The following DLG2 variants were observed in gnomAD, a reference collection of about 807,000 sequenced individuals.
DLG2 encodes the protein disks large homolog 2.
In DLG2, 45 loss-of-function variants were observed where a neutral mutation model predicts 132.5. The ratio of observed to expected loss-of-function variants is 0.34; its 90% CI spans 0.27 to 0.44. The LOEUF is 0.44. DLG2 is among the 20% of genes least tolerant of loss of function. The probability of loss-of-function intolerance (pLI) is 1.00; values close to 1 mark genes in which losing one functional copy is unlikely to be tolerated. For synonymous variants in DLG2, 424 were observed against 419.6 expected (o/e 1.01, Z -0.13); for missense variants, 1,045 against 1,196.9 (o/e 0.87, Z 1.87).
chr11:84,997,855 T>C (rs926923634), intron 6 of DLG2: 1 of 152,118 alleles, frequency 6.6e-6, no homozygotes, highest in African/African-American at 2.4e-5. Flanking sequence ...CTGTGAGACA[T>C]GGTCAGCATG....
intron 19 of DLG2, among the ~76,000 whole-genome samples, chr11:83,567,206 A>AG (rs2096723968): frequency 6.6e-6 from 1 of 152,192 alleles, no homozygotes. Flanking sequence ...TGGCACAAGA[A>AG]TGAGTCATAT....
chr11:84,266,066 A>G (rs901889124), intron 7 of DLG2, among the ~76,000 whole-genome samples: 16 of 152,112 alleles, frequency 1.1e-4, no homozygotes, highest in African/African-American at 3.9e-4. Context: ...GCTTTACTCT[A>G]TTGTACAATA....
At chr11:83,869,112 T>C (rs1035300973) in intron 16 of DLG2, among the ~76,000 whole-genome samples, 1 of 152,182 alleles carries the variant, frequency 6.6e-6, no homozygotes, top group African/African-American at 2.4e-5. Context: ...ATAACAGACA[T>C]CTTGCCAAAA....
chr11:85,110,304 C>A (rs1167801422), intron 6 of DLG2, among the ~76,000 whole-genome samples: 1 of 151,948 alleles, frequency 6.6e-6, no homozygotes, highest in Non-Finnish European at 1.5e-5. Context: ...GTAATCCCAG[C>A]TACTTGGGGA....
chr11:85,189,634 G>T (rs540760003), intron 4 of DLG2, among the ~76,000 whole-genome samples: 1 of 152,266 alleles, frequency 6.6e-6, no homozygotes, highest in East Asian at 1.9e-4. Context: ...AGGAAAGAGG[G>T]TTTGAGGAAT....
chr11:85,092,479 T>C (rs535592809), intron 6 of DLG2, among the ~76,000 whole-genome samples: 1 of 152,182 alleles, frequency 6.6e-6, no homozygotes, highest in Admixed American at 6.5e-5. Flanking sequence ...TTGAGAAACA[T>C]ACAAAAACAT....
chr11:84,399,606 G>C (rs2098822658), intron 7 of DLG2, among the ~76,000 whole-genome samples: 1 of 151,990 alleles, frequency 6.6e-6, no homozygotes, highest in Non-Finnish European at 1.5e-5. Flanking sequence ...TAGTAGAGAT[G>C]GGGTTTCACT....
At chr11:85,084,828 T>C (rs146943396) in intron 6 of DLG2, among the ~76,000 whole-genome samples, 2,970 of 152,280 alleles carry the variant, frequency 0.02, 52 homozygotes, top group Admixed American at 0.041. Context: ...TAGCACATAG[T>C]TGTACTCAAA....
chr11:84,701,345 T>A (rs1358882964), intron 6 of DLG2, among the ~76,000 whole-genome samples: 2 of 151,678 alleles, frequency 1.3e-5, no homozygotes, highest in African/African-American at 2.4e-5. Flanking sequence ...CACACTTCCA[T>A]TCTTTAACAT....
intron 6 of DLG2, among the ~76,000 whole-genome samples, chr11:84,859,316 T>G (rs1481101385): frequency 1.4e-5 from 2 of 142,260 alleles, no homozygotes; most frequent in East Asian, 3.9e-4. Flanking sequence ...TACCTATATA[T>G]GTATATCTAC....
intron 3 of DLG2, among the ~76,000 whole-genome samples, chr11:85,555,319 G>A (rs2076880262): frequency 6.6e-6 from 1 of 151,896 alleles, no homozygotes; most frequent in African/African-American, 2.4e-5. Flanking sequence ...TGCACCTTCA[G>A]ACAACTGAGA....
chr11:85,137,769 A>T (rs1334064697), intron 5 of DLG2, among the ~76,000 whole-genome samples: 1 of 152,234 alleles, frequency 6.6e-6, no homozygotes, highest in South Asian at 2.1e-4. Context: ...TTCCCCATAT[A>T]CCCAGAACAG....
chr11:85,423,704 A>G (rs1390858986), intron 3 of DLG2, among the ~76,000 whole-genome samples: 1 of 152,086 alleles, frequency 6.6e-6, no homozygotes, highest in Non-Finnish European at 1.5e-5. Context: ...TTGTCAGGGA[A>G]GTGGGGAAAA....
At chr11:85,364,988 G>C (rs286045) in intron 3 of DLG2, among the ~76,000 whole-genome samples, 115,739 of 151,842 alleles carry the variant, frequency 0.76, 44,724 homozygotes, top group Middle Eastern at 0.85. Flanking sequence ...GGGCAAGAAA[G>C]AATGCCAGTC....
At chr11:85,507,554 C>T (rs2093963502) in intron 3 of DLG2, among the ~76,000 whole-genome samples, 1 of 152,226 alleles carries the variant, frequency 6.6e-6, no homozygotes, top group Non-Finnish European at 1.5e-5. Flanking sequence ...TTTCTTATGG[C>T]TTGCAGAGTT....
At chr11:83,823,221 C>G (rs2051362762) in intron 17 of DLG2, among the ~76,000 whole-genome samples, 1 of 152,112 alleles carries the variant, frequency 6.6e-6, no homozygotes. Flanking sequence ...ATGATCACTC[C>G]TTCTTTAAAA....
chr11:84,917,845 C>T (rs2060539027), intron 6 of DLG2, among the ~76,000 whole-genome samples: 1 of 151,892 alleles, frequency 6.6e-6, no homozygotes, highest in Non-Finnish European at 1.5e-5. Context: ...CATTTGGAGA[C>T]CATACTAAAG....
intron 6 of DLG2, among the ~76,000 whole-genome samples, chr11:85,006,797 T>C (rs929363807): frequency 6.0e-4 from 92 of 152,110 alleles, no homozygotes; most frequent in African/African-American, 2.2e-3. Flanking sequence ...CCCTTGCTTC[T>C]GTAGTTCTTT....
At chr11:85,109,070 T>C (rs2072283623) in intron 6 of DLG2, among the ~76,000 whole-genome samples, 1 of 151,808 alleles carries the variant, frequency 6.6e-6, no homozygotes, top group Non-Finnish European at 1.5e-5. Flanking sequence ...GAAAAAAAAA[T>C]TCAACTGGCC....
Sources: allele counts gnomAD v4.1 joint callset (sites outside exome capture counted in the v4.1 genomes callset), GRCh38; gene constraint gnomAD v4.1.1; transcripts MANE v1.5; gene names NCBI Gene and HGNC (gene_info 2026-07-23, HGNC 2026-07-21).